C12orf56: variants seen among roughly 807,000 people sequenced by gnomAD.
The protein encoded by C12orf56 is chromosome 12 open reading frame 56.
A neutral mutation model predicts 69.9 loss-of-function variants in C12orf56; 71 were observed. The ratio of observed to expected loss-of-function variants is 1.02; its 90% CI spans 0.84 to 1.24. The LOEUF (loss-of-function observed/expected upper bound fraction) is 1.24, where lower values mean the gene tolerates loss of function less well. C12orf56 is among the 50% of genes most tolerant of loss of function. The pLI is 0.00. For synonymous variants in C12orf56, 276 were observed against 274.1 expected (o/e 1.01, Z -0.07); for missense variants, 732 against 738.5 (o/e 0.99, Z 0.10).
intron 2 of C12orf56, among the ~76,000 whole-genome samples, chr12:64,333,757 C>T (rs2038960397): frequency 6.6e-6 from 1 of 152,240 alleles, no homozygotes; most frequent in South Asian, 2.1e-4. Context: ...CCACCTTGGC[C>T]TCCCAATGTG....
chr12:64,369,875 C>T (rs1159310483), intron 1 of C12orf56, among the ~76,000 whole-genome samples: 18 of 150,430 alleles, frequency 1.2e-4, no homozygotes, highest in East Asian at 4.0e-4. Context: ...CCCAGCTACT[C>T]GGGAGGCTGA....
intron 1 of C12orf56, among the ~76,000 whole-genome samples, chr12:64,386,399 T>TATATATA (rs1555196189): frequency 0.19 from 15,536 of 80,410 alleles, 1,069 homozygotes; most frequent in East Asian, 0.42. Flanking sequence ...TATATATATA[T>TATATATA]TTTTTTTTTT....
chr12:64,267,548 A>G, intron 12 of C12orf56: 1 of 427,556 alleles, frequency 2.3e-6, no homozygotes, highest in Non-Finnish European at 4.1e-6. Context: ...CCACAGTATG[A>G]GCAGAGGCTC....
At chr12:64,350,459 T>C (rs2135948224) in intron 2 of C12orf56, among the ~76,000 whole-genome samples, 1 of 152,338 alleles carries the variant, frequency 6.6e-6, no homozygotes, top group Middle Eastern at 3.4e-3. Context: ...CTGGAGAAAC[T>C]GGTTGTTTTA....
intron 1 of C12orf56, among the ~76,000 whole-genome samples, chr12:64,360,028 T>A (rs10878158): frequency 0.82 from 125,539 of 152,238 alleles, 51,838 homozygotes; most frequent in Middle Eastern, 0.89. Context: ...AGAATTTCTT[T>A]AAAGGGACAA....
chr12:64,367,441 G>A (rs958449713), intron 1 of C12orf56, among the ~76,000 whole-genome samples: 10 of 149,484 alleles, frequency 6.7e-5, no homozygotes, highest in Admixed American at 1.4e-4. Context: ...TCTATTATGA[G>A]ATAGTACAAT....
At chr12:64,338,211 GC>G (rs1565763172) in intron 2 of C12orf56, 4 of 575,652 alleles carry the variant, frequency 6.9e-6, no homozygotes, top group South Asian at 1.4e-5. Flanking sequence ...CCCTGAACAA[GC>G]CCCCCGACTT....
intron 2 of C12orf56, among the ~76,000 whole-genome samples, chr12:64,346,376 C>T (rs2039142391): frequency 6.6e-6 from 1 of 152,120 alleles, no homozygotes; most frequent in Non-Finnish European, 1.5e-5. Context: ...AGATTATGCC[C>T]ACCCAGATAA....
chr12:64,372,759 C>T (rs1017204406), intron 1 of C12orf56, among the ~76,000 whole-genome samples: 7 of 152,178 alleles, frequency 4.6e-5, no homozygotes, highest in Admixed American at 1.3e-4. Context: ...AGGTGATCCG[C>T]CCACCTCAGC....
chr12:64,349,088 G>C (rs1262713621), intron 2 of C12orf56, among the ~76,000 whole-genome samples: 2 of 152,126 alleles, frequency 1.3e-5, no homozygotes, highest in African/African-American at 4.8e-5. Context: ...TGCCTCCCAG[G>C]TTCAAATGAT....
chr12:64,387,077 C>CAA (rs869290282), intron 1 of C12orf56, among the ~76,000 whole-genome samples: 529 of 42,092 alleles, frequency 0.013, 89 homozygotes, highest in African/African-American at 0.016. Context: ...GACTCTATCT[C>CAA]AAAAAAAAAA....
intron 1 of C12orf56, among the ~76,000 whole-genome samples, chr12:64,382,410 A>C (rs1268176699): frequency 6.6e-6 from 1 of 152,214 alleles, no homozygotes; most frequent in Non-Finnish European, 1.5e-5. Flanking sequence ...GACGATATCA[A>C]TCTTACAGAT....
At chr12:64,333,281 G>A (rs80322133) in intron 2 of C12orf56, among the ~76,000 whole-genome samples, 3,132 of 152,234 alleles carry the variant, frequency 0.021, 104 homozygotes, top group African/African-American at 0.072. Context: ...AAAGGAGGAC[G>A]AGATTACCGA....
chr12:64,363,509 G>C (rs2039424771), intron 1 of C12orf56, among the ~76,000 whole-genome samples: 1 of 152,104 alleles, frequency 6.6e-6, no homozygotes, highest in East Asian at 1.9e-4. Flanking sequence ...AAGTGTTTTG[G>C]GGCACACGCT....
At chr12:64,358,482 A>AATAATCATCATCATTATCATC (rs11275269) in intron 1 of C12orf56, among the ~76,000 whole-genome samples, 6 of 125,944 alleles carry the variant, frequency 4.8e-5, no homozygotes, top group Non-Finnish European at 9.9e-5. Context: ...TAATAATAAT[A>AATAATCATCATCATTATCATC]ATCATCATCA....
chr12:64,365,162 CTTTT>C (rs386376771), intron 1 of C12orf56, among the ~76,000 whole-genome samples: 1 of 123,076 alleles, frequency 8.1e-6, no homozygotes, highest in Non-Finnish European at 1.6e-5. Context: ...AAAGCTGTTC[CTTTT>C]TTTTTTTTTT....
rs148349916 is a variant in C12orf56, at chr12:64,278,331, G to A, written c.1311-528C>T. 1.5e-3 allele frequency among the ~76,000 whole-genome samples: 222 copies of A among 152,086 alleles called. 3 individuals are homozygous for A. The highest frequency in any genetic ancestry group is 0.01 in the Middle Eastern group (3 of 294). On this transcript the variant is annotated intron_variant, in intron 8 of 12. Coordinates refer to ENST00000543942, the MANE Select transcript of C12orf56 (RefSeq NM_001170633.2). ...TTTCTTTTTTTAGGTTTGTTTGCTT[G>A]GGTTATTTTTGGCACAGGATCTCAT...
chr12:64,353,097 A>G (rs750836023), intron 1 of C12orf56, 41 bp from the exon 2 acceptor site: 1 of 1,576,544 alleles, frequency 6.3e-7, no homozygotes, highest in South Asian at 1.2e-5. Context: ...GACAAATACA[A>G]CTGCTTACCT....
chr12:64,380,104 C>CAAAAAAAAAAAAAAA (rs60079906), intron 1 of C12orf56, among the ~76,000 whole-genome samples: 12 of 49,982 alleles, frequency 2.4e-4, no homozygotes, highest in Admixed American at 3.4e-4. Context: ...GACTCCGTCG[C>CAAAAAAAAAAAAAAA]AAAAAAAAAA....
Sources: gnomAD v4.1 joint callset for allele counts (sites outside exome capture counted in the v4.1 genomes callset) on GRCh38, gnomAD v4.1.1 for gene constraint, MANE v1.5 for transcripts, NCBI Gene and HGNC (gene_info 2026-07-23, HGNC 2026-07-21) for gene names.